CLSTN2: variants seen among roughly 807,000 people sequenced by gnomAD.
CLSTN2 encodes the protein calsyntenin 2.
Under a neutral mutation model 101.2 loss-of-function variants are expected in CLSTN2, and 48 were observed. That is an observed-to-expected ratio of 0.47 (90% CI 0.38 to 0.60). CLSTN2 has a LOEUF of 0.60. Among genes scored for constraint, CLSTN2 ranks in the 20% least tolerant of loss-of-function variants. The probability of loss-of-function intolerance (pLI) is 0.00; values close to 1 mark genes in which losing one functional copy is unlikely to be tolerated. For missense variants in CLSTN2, 1,160 were observed against 1,238.2 expected, an observed-to-expected ratio of 0.94 and a Z score of 0.95; for synonymous variants, 481 against 463.6, an observed-to-expected ratio of 1.04 and a Z score of -0.48.
chr3:140,386,793 G>A (rs959732061), intron 2 of CLSTN2, among the ~76,000 whole-genome samples: 1 of 152,178 alleles, frequency 6.6e-6, no homozygotes, highest in African/African-American at 2.4e-5. Flanking sequence ...CAAGGCCTGT[G>A]CACAGTGTCA....
chr3:140,014,482 T>C (rs1010229313), intron 1 of CLSTN2, among the ~76,000 whole-genome samples: 1 of 152,022 alleles, frequency 6.6e-6, no homozygotes, highest in East Asian at 1.9e-4. Context: ...GCCTCCAAAA[T>C]TGTTGAGATT....
chr3:140,108,327 T>A (rs565393473), intron 1 of CLSTN2, among the ~76,000 whole-genome samples: 238 of 152,300 alleles, frequency 1.6e-3, no homozygotes, highest in Non-Finnish European at 2.7e-3. Context: ...CACATGCAAT[T>A]ACTTAGAAGT....
intron 10 of CLSTN2, among the ~76,000 whole-genome samples, chr3:140,555,211 T>C (rs915839679): frequency 6.6e-6 from 1 of 152,200 alleles, no homozygotes; most frequent in Non-Finnish European, 1.5e-5. Context: ...AAATCTTCCA[T>C]AGCGTATGAA....
At chr3:140,045,679 A>G (rs1034727896) in intron 1 of CLSTN2, among the ~76,000 whole-genome samples, 2 of 152,156 alleles carry the variant, frequency 1.3e-5, no homozygotes, top group African/African-American at 4.8e-5. Context: ...CCCTCTACAC[A>G]CTGCTTTAAA....
At position 140,383,104 on chromosome 3, in the gene CLSTN2, T is replaced by C. The variant is rs79076946; in HGVS notation, c.233-20525T>C. On this transcript the variant is annotated intron_variant, in intron 2 of 16. Transcript: ENST00000458420. ...ATTCAAGCATATTTCACATACACTC[T>C]GTGAGGATAGTAAAATGACTTTATT... is the stretch of plus-strand genomic sequence containing the variant. Among the ~76,000 whole-genome samples, 34 of 152,278 alleles carry C rather than the reference T, an allele frequency of 2.2e-4. No homozygotes were observed. In the East Asian group the frequency reaches 6.6e-3, roughly 29 times the overall value.
At chr3:140,441,539 G>T (rs1200351238) in intron 5 of CLSTN2, among the ~76,000 whole-genome samples, 1 of 152,224 alleles carries the variant, frequency 6.6e-6, no homozygotes, top group Admixed American at 6.5e-5. Flanking sequence ...GAGGCACAGA[G>T]AGGTTAAGTA....
chr3:140,425,380 C>G (rs1361732147), intron 5 of CLSTN2, among the ~76,000 whole-genome samples: 1 of 152,232 alleles, frequency 6.6e-6, no homozygotes, highest in African/African-American at 2.4e-5. Flanking sequence ...TGGGCAGGAC[C>G]AGAAGAGGCT....
chr3:140,016,736 T>G (rs935632847), intron 1 of CLSTN2, among the ~76,000 whole-genome samples: 2 of 148,736 alleles, frequency 1.3e-5, no homozygotes, highest in Non-Finnish European at 3.0e-5. Flanking sequence ...GAGGCGCAGT[T>G]TGCAGTGAGC....
intron 8 of CLSTN2, among the ~76,000 whole-genome samples, chr3:140,531,374 C>T (rs1019606868): frequency 1.1e-4 from 17 of 152,134 alleles, no homozygotes; most frequent in Admixed American, 3.3e-4. Flanking sequence ...TTTAGCATCC[C>T]TGTTGGTGTT....
intron 8 of CLSTN2, among the ~76,000 whole-genome samples, chr3:140,476,162 T>G (rs972845461): frequency 2.5e-4 from 38 of 152,166 alleles, no homozygotes; most frequent in African/African-American, 8.7e-4. Context: ...TTCTGTCACT[T>G]CCACGATATG....
At chr3:140,555,841 G>C (rs1450115847) in intron 10 of CLSTN2, among the ~76,000 whole-genome samples, 1 of 152,188 alleles carries the variant, frequency 6.6e-6, no homozygotes, top group African/African-American at 2.4e-5. Flanking sequence ...TCAGTGGGGA[G>C]AATCGCCGCT....
intron 2 of CLSTN2, among the ~76,000 whole-genome samples, chr3:140,251,004 A>G (rs1179152388): frequency 6.6e-6 from 1 of 152,210 alleles, no homozygotes; most frequent in Non-Finnish European, 1.5e-5. Context: ...ACTGGTTTCC[A>G]TGTGGCGGAT....
intron 2 of CLSTN2, among the ~76,000 whole-genome samples, chr3:140,263,106 C>A (rs1052040747): frequency 3.3e-5 from 5 of 149,438 alleles, no homozygotes; most frequent in Non-Finnish European, 7.4e-5. Context: ...GAGAAGACTG[C>A]AAGGGAAGTA....
chr3:140,381,582 G>T (rs1039078348), intron 2 of CLSTN2, among the ~76,000 whole-genome samples: 1 of 152,186 alleles, frequency 6.6e-6, no homozygotes, highest in Non-Finnish European at 1.5e-5. Context: ...ATAAATGTGA[G>T]TTCTCATTGT....
At chr3:140,178,095 A>G (rs1287069705) in intron 2 of CLSTN2, among the ~76,000 whole-genome samples, 1 of 152,180 alleles carries the variant, frequency 6.6e-6, no homozygotes, top group Admixed American at 6.5e-5. Flanking sequence ...TGAGGCTGGC[A>G]CTTTAAAAGA....
chr3:140,030,124 G>A (rs147434176), intron 1 of CLSTN2, among the ~76,000 whole-genome samples: 19 of 152,158 alleles, frequency 1.2e-4, no homozygotes, highest in African/African-American at 3.9e-4. Context: ...CAGACCGAGG[G>A]GACAGCAACA....
intron 5 of CLSTN2, among the ~76,000 whole-genome samples, chr3:140,434,030 A>G (rs2088663507): frequency 6.6e-6 from 1 of 152,176 alleles, no homozygotes; most frequent in South Asian, 2.1e-4. Flanking sequence ...TGCATGACCC[A>G]GTGGAGGGCA....
intron 2 of CLSTN2, among the ~76,000 whole-genome samples, chr3:140,329,545 A>T (rs1025960593): frequency 5.9e-5 from 9 of 152,096 alleles, no homozygotes; most frequent in African/African-American, 1.9e-4. Context: ...CTAACCCTCT[A>T]GTGAAAGGAT....
intron 5 of CLSTN2, among the ~76,000 whole-genome samples, chr3:140,434,634 A>C (rs947045106): frequency 6.6e-6 from 1 of 152,194 alleles, no homozygotes. Context: ...CAGATGCCTA[A>C]GGGATTGGGG....
Sources: gnomAD v4.1 joint callset for allele counts (sites outside exome capture counted in the v4.1 genomes callset) on GRCh38, gnomAD v4.1.1 for gene constraint, MANE v1.5 for transcripts, NCBI Gene and HGNC (gene_info 2026-07-23, HGNC 2026-07-21) for gene names.